Variants in PIP4K2A observed in about 807,000 individuals in gnomAD.
PIP4K2A encodes phosphatidylinositol 5-phosphate 4-kinase type-2 alpha.
Under a neutral mutation model 42.9 loss-of-function variants are expected in PIP4K2A, and 14 were observed. The observed-to-expected ratio is 0.33, with a 90% confidence interval of 0.22 to 0.51. The LOEUF (loss-of-function observed/expected upper bound fraction) is 0.51, where lower values mean the gene tolerates loss of function less well. Ranked by LOEUF, PIP4K2A falls within the 20% of genes least tolerant of loss-of-function variation. The pLI is 0.97. For synonymous variants in PIP4K2A, 192 were observed against 192.2 expected (o/e 1.00, Z 0.01); for missense variants, 434 against 519.8 (o/e 0.83, Z 1.61).
chr10:22,644,015 GA>G (rs1838831592), intron 1 of PIP4K2A, among the ~76,000 whole-genome samples: 1 of 152,074 alleles, frequency 6.6e-6, no homozygotes, highest in Admixed American at 6.5e-5. Context: ...TCTCTCCACT[GA>G]ATTCTAAACT....
At chr10:22,641,485 A>C (rs902233628) in intron 1 of PIP4K2A, among the ~76,000 whole-genome samples, 4 of 151,908 alleles carry the variant, frequency 2.6e-5, no homozygotes, top group African/African-American at 4.8e-5. Flanking sequence ...TCTGTCACCC[A>C]GGCTGGAGTG....
intron 4 of PIP4K2A, 46 bp downstream of exon 4, chr10:22,591,583 C>T (rs1837511976): frequency 1.4e-6 from 2 of 1,447,730 alleles, no homozygotes; most frequent in African/African-American, 1.4e-5. Flanking sequence ...AATCGCTACG[C>T]ATGTTAATCT....
chr10:22,713,079 TG>T (rs376359401), intron 1 of PIP4K2A, among the ~76,000 whole-genome samples: 1 of 152,164 alleles, frequency 6.6e-6, no homozygotes, highest in African/African-American at 2.4e-5. Flanking sequence ...GTGACTGCAG[TG>T]GCTAAGGTCA....
chr10:22,603,704 A>G (rs1231312943), intron 3 of PIP4K2A, among the ~76,000 whole-genome samples: 1 of 152,194 alleles, frequency 6.6e-6, no homozygotes, highest in African/African-American at 2.4e-5. Flanking sequence ...CTGGATAATT[A>G]TGCATGAAAT....
intron 1 of PIP4K2A, among the ~76,000 whole-genome samples, chr10:22,623,523 G>A (rs972175900): frequency 6.6e-6 from 1 of 152,102 alleles, no homozygotes; most frequent in African/African-American, 2.4e-5. Context: ...TCTGACGAAT[G>A]CCCTCCTCAG....
intron 1 of PIP4K2A, among the ~76,000 whole-genome samples, chr10:22,635,902 T>G (rs1429875816): frequency 6.6e-6 from 1 of 152,058 alleles, no homozygotes; most frequent in African/African-American, 2.4e-5. Context: ...GAAGTCGACT[T>G]AGGGTACGTA....
intron 1 of PIP4K2A, among the ~76,000 whole-genome samples, chr10:22,631,995 T>G (rs1838560420): frequency 6.6e-6 from 1 of 151,636 alleles, no homozygotes; most frequent in East Asian, 1.9e-4. Context: ...GACACAACAC[T>G]AACGCTCTGG....
At chr10:22,687,543 A>C (rs1839788815) in intron 1 of PIP4K2A, among the ~76,000 whole-genome samples, 1 of 152,042 alleles carries the variant, frequency 6.6e-6, no homozygotes, top group Non-Finnish European at 1.5e-5. Context: ...TTACGAAAGC[A>C]GACACACACA....
At chr10:22,617,780 CG>C (rs1477216134) in intron 1 of PIP4K2A, among the ~76,000 whole-genome samples, 13 of 151,976 alleles carry the variant, frequency 8.6e-5, no homozygotes, top group African/African-American at 3.1e-4. Flanking sequence ...CAGGAGATGT[CG>C]AGAGTGGGTT....
chr10:22,691,060 T>C (rs1461529921), intron 1 of PIP4K2A, among the ~76,000 whole-genome samples: 1 of 152,136 alleles, frequency 6.6e-6, no homozygotes, highest in Non-Finnish European at 1.5e-5. Context: ...GATTTTACAA[T>C]AAGAAAACTG....
chr10:22,550,771 G>C lies in PIP4K2A; in HGVS notation c.680C>G (p.Ala227Gly), dbSNP rs1168818953. 4 of 1,564,774 alleles carry C rather than the reference G, an allele frequency of 2.6e-6. No homozygotes were observed. Among genetic ancestry groups the C allele is most frequent in the Non-Finnish European group, 3.5e-6 (4 of 1,136,536 alleles). ...ATCTTTCAGAGTTGGCAGTTCTTTGGCCTAAAACAAATGAGAAAAACAATG... is the reference window on the plus strand; with the variant it reads ...ATCTTTCAGAGTTGGCAGTTCTTTGCCCTAAAACAAATGAGAAAAACAATG... ...VAREASDKEK[A>G]KELPTLKDND... The change falls in exon 7 of 10, where the codon GCC becomes GGC. Residue 227 changes from alanine (A) to glycine (G), a missense_variant and splice_region_variant. By Grantham distance (60) the Ala-to-Gly change is moderately conservative. Coordinates refer to ENST00000376573, the MANE Select transcript of PIP4K2A (RefSeq NM_005028.5).
At chr10:22,635,974 A>C (rs1838654048) in intron 1 of PIP4K2A, among the ~76,000 whole-genome samples, 1 of 152,250 alleles carries the variant, frequency 6.6e-6, no homozygotes, top group Non-Finnish European at 1.5e-5. Flanking sequence ...ACATGCAGCC[A>C]CAAATGTGGT....
At chr10:22,702,518 A>G (rs767216054) in intron 1 of PIP4K2A, among the ~76,000 whole-genome samples, 1 of 152,190 alleles carries the variant, frequency 6.6e-6, no homozygotes, top group Non-Finnish European at 1.5e-5. Flanking sequence ...GAAGTTGTTT[A>G]CTTTCTGAAC....
chr10:22,652,917 GA>G (rs1469809875), intron 1 of PIP4K2A, among the ~76,000 whole-genome samples: 3 of 152,008 alleles, frequency 2.0e-5, no homozygotes, highest in Admixed American at 2.0e-4. Context: ...AACATAATGA[GA>G]CCCCCATCTC....
intron 4 of PIP4K2A, among the ~76,000 whole-genome samples, chr10:22,578,860 C>A (rs1837186532): frequency 6.6e-6 from 1 of 152,108 alleles, no homozygotes; most frequent in South Asian, 2.1e-4. Context: ...ATGAATCCAG[C>A]AAATAATTAA....
At chr10:22,568,734 A>C (rs1195486490) in intron 5 of PIP4K2A, among the ~76,000 whole-genome samples, 2 of 152,222 alleles carry the variant, frequency 1.3e-5, no homozygotes, top group Non-Finnish European at 1.5e-5. Flanking sequence ...GGCTTGTGGA[A>C]GATTTTAATT....
chr10:22,611,510 G>T (rs950190743), intron 1 of PIP4K2A, among the ~76,000 whole-genome samples: 4 of 151,888 alleles, frequency 2.6e-5, no homozygotes, highest in Non-Finnish European at 5.9e-5. Flanking sequence ...ACTAAAGAAG[G>T]CCAAATGCAA....
rs1434961899 is a variant in PIP4K2A at position 22,573,343 on chromosome 10, G to A, written c.607C>T (p.Arg203Cys). The A allele has an allele frequency of 1.9e-6, 3 of 1,613,616 alleles. No homozygotes were observed. Among genetic ancestry groups the A allele is most frequent in the South Asian group, 1.1e-5 (1 of 91,046 alleles). ...VIVTRNVFSH[R>C]LSVYRKYDLK... ...TCGTATTTCCTATACACAGACAAAC[G>A]GTGGCTGAATACATTTCTTGTAACT... Residue 203 changes from arginine (R) to cysteine (C), a missense_variant, in exon 5 of 10, where the codon CGT becomes TGT. Physicochemically the swap from Arg to Cys is radical, Grantham distance 180 (BLOSUM62 -3). Around this residue, in one of 2 missense-constraint regions of PIP4K2A, gnomAD observed 395 missense variants for 444.5 expected, o/e 0.89. Transcript: ENST00000376573.
intron 1 of PIP4K2A, among the ~76,000 whole-genome samples, chr10:22,687,924 T>C (rs1055604336): frequency 6.6e-6 from 1 of 152,234 alleles, no homozygotes; most frequent in Non-Finnish European, 1.5e-5. Flanking sequence ...AGATCATTGA[T>C]AGATGAATTT....
Sources: allele counts gnomAD v4.1 joint callset (sites outside exome capture counted in the v4.1 genomes callset), GRCh38; gene constraint gnomAD v4.1.1; regional missense constraint gnomAD v4.1.1; transcripts MANE v1.5; gene names NCBI Gene and HGNC (gene_info 2026-07-23, HGNC 2026-07-21).